The following ABLIM1 variants were observed in gnomAD, a reference collection of about 807,000 sequenced individuals.
The protein encoded by ABLIM1 is actin binding LIM protein 1.
A neutral mutation model predicts 107.0 loss-of-function variants in ABLIM1; 40 were observed. The observed-to-expected ratio is 0.37, with a 90% CI of 0.29 to 0.49. The LOEUF (loss-of-function observed/expected upper bound fraction) is 0.49. ABLIM1 is among the 20% of genes least tolerant of loss of function. The probability of loss-of-function intolerance (pLI) is 0.97; values close to 1 mark genes in which losing one functional copy is unlikely to be tolerated. For missense variants in ABLIM1, 857 were observed against 1,008.5 expected (o/e 0.85, Z 2.04); for synonymous variants, 357 against 357.3 (o/e 1.00, Z 0.01).
chr10:114,737,866 C>A (rs1367612877), intron 1 of ABLIM1, among the ~76,000 whole-genome samples: 1 of 152,056 alleles, frequency 6.6e-6, no homozygotes, highest in Non-Finnish European at 1.5e-5. Flanking sequence ...CTCAGAACCA[C>A]TCTAGTAAAA....
intron 1 of ABLIM1, among the ~76,000 whole-genome samples, chr10:114,708,833 C>T (rs548165930): frequency 3.3e-5 from 5 of 152,122 alleles, no homozygotes; most frequent in Non-Finnish European, 7.4e-5. Flanking sequence ...CTTCAAAGTC[C>T]TCATCTTTAT....
In ABLIM1 at chr10:114,444,059, C is replaced by T; in HGVS notation, c.1903G>A (p.Ala635Thr). Residue 635 changes from alanine (A) to threonine (T), a missense_variant, in exon 17 of 23, where the codon GCC (alanine) becomes ACC (threonine). Physicochemically the swap from Ala to Thr is moderately conservative, Grantham distance 58. Coordinates refer to ENST00000533213, the MANE Select transcript of ABLIM1 (RefSeq NM_002313.7). ...KESRERSSLL[A>T]SRYDSPINSA... is the part of the protein sequence containing the mutation. The stretch of plus-strand genomic sequence containing the variant: ...TTGATGGGAGAATCGTAGCGACTGG[C>T]TAACAGAGATGACCTTTCCCGGCTC... The T allele has an allele frequency of 6.2e-7, 1 of 1,612,266 alleles. No homozygotes were observed. Among genetic ancestry groups the T allele is most frequent in the Non-Finnish European group, 8.5e-7 (1 of 1,179,574 alleles).
At chr10:114,766,710 T>C (rs577806158) in intron 1 of ABLIM1, among the ~76,000 whole-genome samples, 13 of 152,312 alleles carry the variant, frequency 8.5e-5, no homozygotes, top group Admixed American at 2.6e-4. Context: ...TTATAAGAGA[T>C]ATTCTCCATA....
Position 114,497,408 on chromosome 10 carries a change from G to A in ABLIM1, c.895-5530C>T, listed in dbSNP as rs531024609. Among the ~76,000 whole-genome samples the A allele has an allele frequency of 7.0e-5, 10 of 143,356 alleles. No individual in the cohort carries two copies. In the East Asian group the frequency reaches 1.7e-3, roughly 25 times the overall value. The allele number at this position is 143,356 out of a possible 152,430, so 94.0% of individuals were successfully genotyped here. On this transcript the variant is annotated intron_variant, in intron 6 of 22. Transcript: ENST00000533213. ...CACGTCCCCATTTCTGGCCGGGCGC[G>A]GTGGCTCATGCCTGTAATCCCAACA...
chr10:114,561,996 A>G (rs2069778696), intron 4 of ABLIM1, among the ~76,000 whole-genome samples: 1 of 152,188 alleles, frequency 6.6e-6, no homozygotes, highest in Non-Finnish European at 1.5e-5. Flanking sequence ...TCTGAATATT[A>G]CTGTTCCTCT....
chr10:114,571,334 C>T lies in ABLIM1; in HGVS notation c.636G>A (p.Pro212=), dbSNP rs563772271. 28 of 1,614,162 alleles carry T rather than the reference C, an allele frequency of 1.7e-5. No homozygotes were observed. Among genetic ancestry groups the T allele is most frequent in the South Asian group, 5.5e-5 (5 of 91,076 alleles). Residue 212 remains proline, a synonymous_variant, in exon 4 of 23, where the codon CCG becomes CCA. Coordinates refer to ENST00000533213, the MANE Select transcript of ABLIM1 (RefSeq NM_002313.7). ...TGGTTTCTTTCGGACTGGACGACAT[C>T]GGCTGTGCACAGAGTTGACAAAGGC... The part of the protein sequence containing the change: ...RDCLCQLCAQ[P]MSSSPKETTF...
At chr10:114,674,451 A>C (rs1003989369) in intron 1 of ABLIM1, among the ~76,000 whole-genome samples, 2 of 152,210 alleles carry the variant, frequency 1.3e-5, no homozygotes, top group Admixed American at 6.5e-5. Context: ...TCAGGAATTC[A>C]GAAGGTAGTG....
At chr10:114,468,014 T>TA (rs1278593333) in intron 11 of ABLIM1, among the ~76,000 whole-genome samples, 167 bp downstream of exon 11, 4 of 152,188 alleles carry the variant, frequency 2.6e-5, no homozygotes, top group African/African-American at 7.2e-5. Flanking sequence ...TGCTGTGTCT[T>TA]AGAGTCTCCT....
chr10:114,450,834 T>C (rs1366305037), intron 14 of ABLIM1, among the ~76,000 whole-genome samples: 2 of 152,194 alleles, frequency 1.3e-5, no homozygotes, highest in Non-Finnish European at 2.9e-5. Context: ...TAGAATTTTC[T>C]GAAAACGCCT....
At chr10:114,729,348 A>G (rs1180937805) in intron 1 of ABLIM1, among the ~76,000 whole-genome samples, 1 of 152,100 alleles carries the variant, frequency 6.6e-6, no homozygotes, top group African/African-American at 2.4e-5. Context: ...CGCTGACCAC[A>G]CCATCAAACT....
chr10:114,595,348 T>C (rs1226136348), intron 2 of ABLIM1, among the ~76,000 whole-genome samples: 1 of 152,332 alleles, frequency 6.6e-6, no homozygotes, highest in Admixed American at 6.5e-5. Flanking sequence ...CAGAGAAGAA[T>C]CTGCACAAAT....
upstream of ABLIM1, among the ~76,000 whole-genome samples, chr10:114,772,480 G>A (rs962703853): frequency 2.0e-5 from 3 of 152,160 alleles, no homozygotes; most frequent in Non-Finnish European, 4.4e-5. Flanking sequence ...GGTGGCTTGT[G>A]CCTGTAGTCC....
Position 114,582,435 on chromosome 10 carries a change from C to G in ABLIM1, c.380-6836G>C, listed in dbSNP as rs140551614. Among the ~76,000 whole-genome samples the G allele has an allele frequency of 2.6e-3, 392 of 152,254 alleles. 1 individual carries two copies. Among genetic ancestry groups the G allele is most frequent in the African/African-American group, 9.1e-3 (379 of 41,558 alleles). ...AAACTTGTTAAAATGGCTATACTGCCCAAAGAAATCTACAGATTCAATGCT... is the reference window on the plus strand; with the variant it reads ...AAACTTGTTAAAATGGCTATACTGCGCAAAGAAATCTACAGATTCAATGCT... On this transcript the variant is annotated intron_variant, in intron 2 of 22. Coordinates refer to ENST00000533213, the MANE Select transcript of ABLIM1 (RefSeq NM_002313.7).
intron 22 of ABLIM1, 121 bp downstream of exon 22, chr10:114,437,722 AT>A (rs2059621660): frequency 1.2e-6 from 1 of 802,028 alleles, no homozygotes. Context: ...TACCTATGAC[AT>A]GAGGGTGATC....
intron 11 of ABLIM1, among the ~76,000 whole-genome samples, chr10:114,466,545 CATGTAG>C (rs1361726965): frequency 1.3e-5 from 2 of 152,136 alleles, no homozygotes; most frequent in Non-Finnish European, 2.9e-5. Flanking sequence ...TGTGTGTAGG[CATGTAG>C]TTGGTATGGG....
intron 1 of ABLIM1, among the ~76,000 whole-genome samples, chr10:114,754,394 T>C (rs977684109): frequency 2.6e-5 from 4 of 152,212 alleles, no homozygotes; most frequent in Admixed American, 2.0e-4. Flanking sequence ...AGGACAAGGA[T>C]CTGGAAATAC....
chr10:114,607,206 G>A (rs1254792574), intron 1 of ABLIM1, among the ~76,000 whole-genome samples: 1 of 152,168 alleles, frequency 6.6e-6, no homozygotes, highest in Non-Finnish European at 1.5e-5. Flanking sequence ...GGGACTACAG[G>A]TGTGCACCAC....
intron 6 of ABLIM1, among the ~76,000 whole-genome samples, chr10:114,517,375 G>A (rs1159107004): frequency 6.6e-6 from 1 of 152,088 alleles, no homozygotes; most frequent in Non-Finnish European, 1.5e-5. Flanking sequence ...TCCAAGCCAC[G>A]CAGCACCAAG....
chr10:114,648,458 A>G (rs1241017943), intron 1 of ABLIM1, among the ~76,000 whole-genome samples: 1 of 152,218 alleles, frequency 6.6e-6, no homozygotes, highest in Non-Finnish European at 1.5e-5. Flanking sequence ...TTCCAATCAG[A>G]TGAAATGTCT....
Sources: allele counts gnomAD v4.1 joint callset (sites outside exome capture counted in the v4.1 genomes callset), GRCh38; gene constraint gnomAD v4.1.1; transcripts MANE v1.5; gene names NCBI Gene and HGNC (gene_info 2026-07-23, HGNC 2026-07-21).